PHACTR3: variants seen among roughly 807,000 people sequenced by gnomAD.
The protein encoded by PHACTR3 is phosphatase and actin regulator 3.
A neutral mutation model predicts 66.8 loss-of-function variants in PHACTR3; 16 were observed. That is an observed-to-expected ratio of 0.24 (90% CI 0.16 to 0.36). PHACTR3 has a LOEUF of 0.36. PHACTR3 is among the 10% of genes least tolerant of loss of function. The pLI is 1.00. For synonymous variants in PHACTR3, 323 were observed against 292.1 expected (o/e 1.11, Z -1.08); for missense variants, 647 against 719.9 (o/e 0.90, Z 1.16).
intron 1 of PHACTR3, among the ~76,000 whole-genome samples, chr20:59,614,777 G>T (rs2033974289): frequency 6.6e-6 from 1 of 152,142 alleles, no homozygotes; most frequent in African/African-American, 2.4e-5. Context: ...TTGCCTTATT[G>T]TAATCACTAG....
chr20:59,842,291 G>A (rs2059078397), intron 11 of PHACTR3, among the ~76,000 whole-genome samples: 1 of 152,158 alleles, frequency 6.6e-6, no homozygotes, highest in Non-Finnish European at 1.5e-5. Context: ...AAAGCCTTTA[G>A]GAAGAGAAAA....
chr20:59,802,893 T>A (rs1039872419), intron 7 of PHACTR3, among the ~76,000 whole-genome samples: 1 of 152,216 alleles, frequency 6.6e-6, no homozygotes, highest in African/African-American at 2.4e-5. Flanking sequence ...CCATAGGGTA[T>A]TACTGAGCAG....
rs535100896 is a variant in PHACTR3 at position 59,738,454 on chromosome 20, G to A, written c.119-4653G>A. Among the ~76,000 whole-genome samples the A allele has an allele frequency of 5.9e-5, 9 of 152,274 alleles. No homozygotes were observed. The highest frequency in any genetic ancestry group is 5.2e-4 in the Admixed American group (8 of 15,290). On this transcript the variant is annotated intron_variant, in intron 1 of 12. Coordinates refer to ENST00000371015, the MANE Select transcript of PHACTR3 (RefSeq NM_080672.5). This position sits in a 1 kb window ranked among gnomAD's most constrained non-coding sequence, Gnocchi z 4.4. Reference sequence around the variant, plus strand: ...GTTAGAGCTCTATTTCTAAGACATCGGATCACAGGAAGACCAGTTGCTGGG... The same window carrying A: ...GTTAGAGCTCTATTTCTAAGACATCAGATCACAGGAAGACCAGTTGCTGGG...
intron 8 of PHACTR3, among the ~76,000 whole-genome samples, chr20:59,824,672 C>T (rs1345801280): frequency 1.3e-5 from 2 of 152,162 alleles, no homozygotes; most frequent in African/African-American, 4.8e-5. Flanking sequence ...TCACACACAT[C>T]AGAAATCTTG....
At chr20:59,692,718 G>A (rs2037157574) in intron 1 of PHACTR3, among the ~76,000 whole-genome samples, 1 of 152,214 alleles carries the variant, frequency 6.6e-6, no homozygotes, top group African/African-American at 2.4e-5. Context: ...GAGCTCTATG[G>A]AAAGAGTTGG....
chr20:59,819,731 C>G (rs752655527), intron 8 of PHACTR3, among the ~76,000 whole-genome samples: 7 of 151,690 alleles, frequency 4.6e-5, no homozygotes, highest in Non-Finnish European at 7.4e-5. Flanking sequence ...CACCCGTCAA[C>G]TGAGGCACCT....
rs183748852 is a variant in PHACTR3 at position 59,758,033 on chromosome 20, C to T, written c.541+2669C>T. On this transcript the variant is annotated intron_variant, in intron 4 of 12. Transcript: ENST00000371015. ...AGAGAAGAGACCTGGCAGGTTATCCCTGAGGGCAGCTGGAACCCCCCAGGG... is the reference window on the plus strand; with the variant it reads ...AGAGAAGAGACCTGGCAGGTTATCCTTGAGGGCAGCTGGAACCCCCCAGGG... Among the ~76,000 whole-genome samples the T allele has an allele frequency of 3.1e-3, 466 of 152,274 alleles. 3 individuals are homozygous for T. The highest frequency in any genetic ancestry group is 0.011 in the African/African-American group (439 of 41,554).
chr20:59,707,800 A>G (rs1020138420), intron 1 of PHACTR3, among the ~76,000 whole-genome samples: 3 of 151,838 alleles, frequency 2.0e-5, no homozygotes, highest in Non-Finnish European at 2.9e-5. Flanking sequence ...CGTGCCTGCT[A>G]CCCCTTCACC....
At chr20:59,649,419 TAGC>T (rs1047301077) in intron 1 of PHACTR3, among the ~76,000 whole-genome samples, 136 of 152,336 alleles carry the variant, frequency 8.9e-4, no homozygotes, top group African/African-American at 2.7e-3. Context: ...TAATTATAAA[TAGC>T]AGCAACATGT....
intron 1 of PHACTR3, among the ~76,000 whole-genome samples, chr20:59,699,942 C>G (rs1370207550): frequency 6.6e-6 from 1 of 152,080 alleles, no homozygotes; most frequent in Non-Finnish European, 1.5e-5. Flanking sequence ...AGCCTGGCAA[C>G]AGAGCAAAAC....
At chr20:59,734,427 T>C (rs1397647474) in intron 1 of PHACTR3, among the ~76,000 whole-genome samples, 2 of 152,034 alleles carry the variant, frequency 1.3e-5, no homozygotes, top group African/African-American at 4.8e-5. Context: ...AATTTTTTTT[T>C]CCTTCGTTTT....
chr20:59,695,291 G>C (rs2146593048), intron 1 of PHACTR3, among the ~76,000 whole-genome samples: 1 of 152,244 alleles, frequency 6.6e-6, no homozygotes, highest in Admixed American at 6.5e-5. Context: ...TGGATTCTAG[G>C]GGTGGATTTC....
chr20:59,632,829 T>TCCCC (rs2034714905), intron 1 of PHACTR3, among the ~76,000 whole-genome samples: 1 of 152,200 alleles, frequency 6.6e-6, no homozygotes, highest in Non-Finnish European at 1.5e-5. Flanking sequence ...CTGCTTTAAG[T>TCCCC]GCATGCCCAG....
intron 1 of PHACTR3, among the ~76,000 whole-genome samples, chr20:59,674,076 C>T (rs2036288202): frequency 6.6e-6 from 1 of 151,850 alleles, no homozygotes; most frequent in Non-Finnish European, 1.5e-5. Context: ...GTGCTCTGTA[C>T]CCTGACAAGG....
At chr20:59,764,949 G>A (rs919417455) in intron 4 of PHACTR3, among the ~76,000 whole-genome samples, 9 of 152,210 alleles carry the variant, frequency 5.9e-5, no homozygotes, top group Non-Finnish European at 1.3e-4. Flanking sequence ...CTTGGCTGCC[G>A]AGGAAATGGG....
intron 7 of PHACTR3, among the ~76,000 whole-genome samples, chr20:59,779,321 A>G (rs938338929): frequency 1.3e-4 from 20 of 152,228 alleles, no homozygotes; most frequent in Non-Finnish European, 1.9e-4. Context: ...GGAAAATTCA[A>G]TATTGGTCAT....
chr20:59,806,016 C>T lies in PHACTR3; in HGVS notation c.1175-25C>T, dbSNP rs747528867. 10 of 1,607,646 alleles carry T rather than the reference C, an allele frequency of 6.2e-6. No individual in the cohort carries two copies. The African/African-American group carries it at 1.1e-4, about 17-fold the overall frequency. On this transcript the variant is annotated intron_variant, in intron 7 of 12. Transcript: ENST00000371015. ...CCTGTCTCCTTTGTTCCCTTCTCTC[C>T]TCTTGCCCTGGATGGGGCTTTTAGG...
upstream of PHACTR3, among the ~76,000 whole-genome samples, chr20:59,602,258 T>C (rs1187321889): frequency 2.0e-5 from 3 of 151,976 alleles, no homozygotes; most frequent in Non-Finnish European, 2.9e-5. Flanking sequence ...ATCAGTCCTA[T>C]TGAAGGCTTC....
intron 1 of PHACTR3, among the ~76,000 whole-genome samples, chr20:59,606,141 C>T (rs1053013243): frequency 3.3e-5 from 5 of 152,148 alleles, no homozygotes; most frequent in African/African-American, 1.2e-4. Context: ...GCAACGACCC[C>T]AGATGGGGAC....
Sources: gnomAD v4.1 joint callset for allele counts (sites outside exome capture counted in the v4.1 genomes callset) on GRCh38, gnomAD v4.1.1 for gene constraint, Gnocchi (gnomAD v3.1) non-coding constraint, MANE v1.5 for transcripts, NCBI Gene and HGNC (gene_info 2026-07-23, HGNC 2026-07-21) for gene names.